The following LRP1B variants were observed in gnomAD, a reference collection of about 807,000 sequenced individuals.
The protein encoded by LRP1B is LDL receptor related protein 1B.
LRP1B carries 217 observed loss-of-function variants against 556.6 expected under a neutral mutation model. The ratio of observed to expected loss-of-function variants is 0.39; its 90% confidence interval spans 0.35 to 0.44. The LOEUF is 0.44. Ranked by LOEUF, LRP1B falls within the 20% of genes least tolerant of loss-of-function variation. LRP1B has a pLI of 1.00. For missense variants in LRP1B, 5,053 were observed against 5,620.8 expected (o/e 0.90, Z 3.23); for synonymous variants, 2,047 against 1,865.8 (o/e 1.10, Z -2.50).
chr2:140,568,289 T>C (rs1230219288), intron 43 of LRP1B, among the ~76,000 whole-genome samples: 2 of 144,094 alleles, frequency 1.4e-5, no homozygotes, highest in Non-Finnish European at 3.0e-5. Context: ...AAAAGATAAA[T>C]ATCATAAAAA....
chr2:140,736,114 T>C (rs755829780), intron 35 of LRP1B, among the ~76,000 whole-genome samples: 3 of 151,946 alleles, frequency 2.0e-5, no homozygotes, highest in Admixed American at 6.6e-5. Flanking sequence ...TCTTCCCTGA[T>C]AGATGGTAGA....
intron 2 of LRP1B, among the ~76,000 whole-genome samples, chr2:141,602,029 T>C (rs1041054841): frequency 3.3e-5 from 5 of 152,174 alleles, no homozygotes; most frequent in East Asian, 1.9e-4. Flanking sequence ...TCTCTGTCAC[T>C]GGAGCAGAGC....
At position 140,867,686 on chromosome 2, in the gene LRP1B, C is replaced by G. The variant is rs550903513; in HGVS notation, c.4483G>C (p.Ala1495Pro). 1 of 1,613,532 alleles carries G rather than the reference C, an allele frequency of 6.2e-7. No homozygotes were observed. Among genetic ancestry groups the G allele is most frequent in the Non-Finnish European group, 8.5e-7 (1 of 1,179,640 alleles). Residue 1495 changes from alanine (A) to proline (P), a missense_variant, in exon 27 of 91, where the codon GCC becomes CCC. Physicochemically the swap from Ala to Pro is conservative, Grantham distance 27 (BLOSUM62 -1). Around this residue, in one of 5 missense-constraint regions of LRP1B, gnomAD observed 3,619 missense variants for 3,931.9 expected, o/e 0.92. Coordinates refer to ENST00000389484, the MANE Select transcript of LRP1B (RefSeq NM_018557.3). ...TDWRTNTLSK[A>P]NKWTGQNVSV... Reference sequence around the variant, plus strand: ...ACATTCTGCCCTGTCCACTTATTGGCTTTGGACAATGTGTTGGTCCTCCAG... The same window carrying G: ...ACATTCTGCCCTGTCCACTTATTGGGTTTGGACAATGTGTTGGTCCTCCAG...
intron 35 of LRP1B, among the ~76,000 whole-genome samples, chr2:140,725,975 G>A (rs1419065479): frequency 1.3e-5 from 2 of 152,272 alleles, no homozygotes; most frequent in East Asian, 3.9e-4. Flanking sequence ...ACTGCTTGAG[G>A]AATGTTTTAA....
At chr2:140,520,009 G>C (rs184519055) in intron 49 of LRP1B, among the ~76,000 whole-genome samples, 1 of 152,236 alleles carries the variant, frequency 6.6e-6, no homozygotes, top group Admixed American at 6.5e-5. Context: ...CTTTTACACT[G>C]TTTTTGGGAG....
chr2:141,313,354 TA>T (rs1311863690), intron 3 of LRP1B, among the ~76,000 whole-genome samples: 1 of 150,918 alleles, frequency 6.6e-6, no homozygotes, highest in East Asian at 1.9e-4. Flanking sequence ...TCAAATTTTG[TA>T]AAAAAAGAAA....
chr2:141,284,331 C>A (rs1685623028), intron 3 of LRP1B, among the ~76,000 whole-genome samples: 2 of 152,080 alleles, frequency 1.3e-5, no homozygotes, highest in African/African-American at 4.8e-5. Flanking sequence ...TGAGATACCA[C>A]TGAAAATTAT....
chr2:141,693,669 T>C (rs1438328791), intron 2 of LRP1B, among the ~76,000 whole-genome samples: 1 of 152,072 alleles, frequency 6.6e-6, no homozygotes, highest in East Asian at 1.9e-4. Flanking sequence ...AGATTTAGCC[T>C]TATACAGACA....
chr2:141,960,233 T>C (rs1180506996), intron 1 of LRP1B, among the ~76,000 whole-genome samples: 2 of 151,794 alleles, frequency 1.3e-5, no homozygotes, highest in Non-Finnish European at 2.9e-5. Flanking sequence ...AAGATGCTAA[T>C]TGATTTTTCT....
chr2:140,247,695 T>G (rs1681228362), intron 86 of LRP1B, among the ~76,000 whole-genome samples: 1 of 151,636 alleles, frequency 6.6e-6, no homozygotes, highest in African/African-American at 2.4e-5. Context: ...CATACTTCTA[T>G]TACTATGAAG....
chr2:140,291,797 T>C (rs1372339220), intron 84 of LRP1B, among the ~76,000 whole-genome samples: 2 of 152,134 alleles, frequency 1.3e-5, no homozygotes, highest in South Asian at 2.1e-4. Context: ...AATAGCAGCA[T>C]GATTTATAGT....
chr2:141,331,522 CTCTTTCTT>C (rs71213744), intron 3 of LRP1B, among the ~76,000 whole-genome samples: 6 of 140,824 alleles, frequency 4.3e-5, no homozygotes, highest in Non-Finnish European at 7.6e-5. Context: ...TTCTTTCTTT[CTCTTTCTT>C]TCTTTCTTTC....
chr2:141,251,098 G>A (rs976014691), intron 4 of LRP1B, among the ~76,000 whole-genome samples: 1 of 152,090 alleles, frequency 6.6e-6, no homozygotes, highest in African/African-American at 2.4e-5. Context: ...CTGGGTTGAG[G>A]GGTATGGGGT....
intron 1 of LRP1B, among the ~76,000 whole-genome samples, chr2:141,997,045 A>AGT (rs1210026842): frequency 6.6e-6 from 1 of 152,132 alleles, no homozygotes; most frequent in Non-Finnish European, 1.5e-5. Flanking sequence ...ACTGCCTGAG[A>AGT]GTGCACAGAC....
At chr2:140,816,281 C>A (rs1691121260) in intron 31 of LRP1B, among the ~76,000 whole-genome samples, 1 of 151,932 alleles carries the variant, frequency 6.6e-6, no homozygotes, top group South Asian at 2.1e-4. Flanking sequence ...CCACACCCAG[C>A]TAATTTTTGT....
At chr2:141,163,073 A>G (rs1360598921) in intron 7 of LRP1B, among the ~76,000 whole-genome samples, 1 of 152,186 alleles carries the variant, frequency 6.6e-6, no homozygotes, top group Middle Eastern at 3.4e-3. Context: ...TTCCAGGGAG[A>G]ATCAAGCCTA....
intron 43 of LRP1B, among the ~76,000 whole-genome samples, chr2:140,552,485 G>A (rs1390096566): frequency 6.6e-6 from 1 of 152,058 alleles, no homozygotes; most frequent in East Asian, 1.9e-4. Flanking sequence ...GGTACAACAA[G>A]TTTCACTAAG....
chr2:140,766,822 A>AATATATATATATTATATATATATATATAT (rs1205192418), intron 35 of LRP1B, among the ~76,000 whole-genome samples: 1 of 105,642 alleles, frequency 9.5e-6, no homozygotes, highest in African/African-American at 4.4e-5. Flanking sequence ...ATCTTTGTAA[A>AATATATATATATTATATATATATATATAT]ATATATATAT....
At chr2:140,260,336 T>G (rs901735960) in intron 86 of LRP1B, among the ~76,000 whole-genome samples, 4 of 151,878 alleles carry the variant, frequency 2.6e-5, no homozygotes, top group African/African-American at 4.8e-5. Context: ...TTGTATTTTC[T>G]TCTGTTTTTA....
Sources: gnomAD v4.1 joint callset for allele counts (sites outside exome capture counted in the v4.1 genomes callset) on GRCh38, gnomAD v4.1.1 for gene constraint, gnomAD v4.1.1 regional missense constraint, MANE v1.5 for transcripts, NCBI Gene and HGNC (gene_info 2026-07-23, HGNC 2026-07-21) for gene names.